CACNA1H: variants seen among roughly 807,000 people sequenced by gnomAD.
The protein encoded by CACNA1H is voltage-dependent T-type calcium channel subunit alpha-1H.
Under a neutral mutation model 192.5 loss-of-function variants are expected in CACNA1H, and 149 were observed. The observed-to-expected ratio is 0.77, with a 90% CI of 0.68 to 0.89. The LOEUF (loss-of-function observed/expected upper bound fraction) is 0.89, where lower values mean the gene tolerates loss of function less well. Ranked by LOEUF, CACNA1H falls within the 40% of genes least tolerant of loss-of-function variation. The pLI, the probability that CACNA1H is intolerant of heterozygous loss-of-function variation, is 0.00. For synonymous variants in CACNA1H, 2,202 were observed against 1,475.2 expected (o/e 1.49, Z -11.29); for missense variants, 4,257 against 3,423.5 (o/e 1.24, Z -6.08).
chr16:1,208,315 C>T, intron 16 of CACNA1H, 94 bp downstream of exon 16: 2 of 831,622 alleles, frequency 2.4e-6, no homozygotes, highest in East Asian at 2.6e-5. Context: ...GAGGGCCGCA[C>T]CCCCCACACC....
At position 1,220,009 on chromosome 16, in the gene CACNA1H, G is replaced by T; in HGVS notation, c.6077G>T (p.Gly2026Val). 1 of 1,355,178 alleles carries T rather than the reference G, an allele frequency of 7.4e-7. No individual in the cohort carries two copies. 83.9% of individuals were successfully genotyped at this position (1,355,178 alleles called of 1,614,324 possible). ...QEAVHTDSLE[G>V]KIDSPRDTLD... Reference sequence around the variant, plus strand: ...GCTGTGCACACCGATTCCTTGGAAGGGAAGATTGACAGCCCTAGGGACACC... The same window carrying T: ...GCTGTGCACACCGATTCCTTGGAAGTGAAGATTGACAGCCCTAGGGACACC... The change falls in exon 35 of 35, where the codon GGG becomes GTG. Residue 2026 changes from glycine (G) to valine (V), a missense_variant. Physicochemically the swap from Gly to Val is moderately radical, Grantham distance 109. Coordinates refer to ENST00000348261, the MANE Select transcript of CACNA1H (RefSeq NM_021098.3).
At chr16:1,210,766 A>AG in intron 20 of CACNA1H, 21 bp from the exon 21 acceptor site, 1 of 1,598,514 alleles carries the variant, frequency 6.3e-7, no homozygotes, top group Non-Finnish European at 8.5e-7. Flanking sequence ...GCCTGAGCTC[A>AG]GTGCCATTGG....
At chr16:1,186,102 C>T (rs1320924152) in intron 2 of CACNA1H, among the ~76,000 whole-genome samples, 1 of 68,812 alleles carries the variant, frequency 1.5e-5, no homozygotes, top group Non-Finnish European at 2.6e-5. Context: ...GGTGAGTAGA[C>T]GGCGTGCGTA....
intron 2 of CACNA1H, among the ~76,000 whole-genome samples, chr16:1,183,544 C>T (rs574909687): frequency 1.3e-5 from 2 of 152,352 alleles, no homozygotes; most frequent in Admixed American, 1.3e-4. Context: ...CCTTGCCCTC[C>T]CCCTTCCCAC....
chr16:1,194,779 G>A (rs999435973), intron 2 of CACNA1H, among the ~76,000 whole-genome samples, 193 bp from the exon 3 acceptor site: 7 of 152,116 alleles, frequency 4.6e-5, no homozygotes, highest in African/African-American at 7.2e-5. Flanking sequence ...CCGGCCAGGC[G>A]CAGGCCCCAG....
chr16:1,214,280 C>T (rs545204454), intron 27 of CACNA1H, among the ~76,000 whole-genome samples: 1 of 152,368 alleles, frequency 6.6e-6, no homozygotes, highest in South Asian at 2.1e-4. Flanking sequence ...TCGGGTCCCC[C>T]TGCATCCTCT....
intron 2 of CACNA1H, among the ~76,000 whole-genome samples, chr16:1,187,965 G>C (rs551598507): frequency 6.6e-6 from 1 of 152,380 alleles, no homozygotes; most frequent in South Asian, 2.1e-4. Flanking sequence ...CAGGAGCCAG[G>C]CCGAGCCGTG....
In CACNA1H at chr16:1,212,445, C is replaced by T. The variant is rs59121620; in HGVS notation, c.4760-66C>T. On this transcript the variant is annotated intron_variant, in intron 25 of 34. Transcript: ENST00000348261. ...CCGAGACACGGGGGCTGAGGGAGAG[C>T]AGGGAGGGCTCCAGGCCCGAGTGCG... 9.3e-4 allele frequency: 1,392 copies of T among 1,489,830 alleles called. 7 individuals carry two copies. In the African/African-American group the frequency reaches 0.017, roughly 19 times the overall value. 92.3% of individuals were successfully genotyped at this position (1,489,830 alleles called of 1,614,324 possible). A position where few individuals can be genotyped will look rare whatever the true frequency, so the allele number is the denominator to read the frequency against.
At chr16:1,188,047 A>G (rs1437066220) in intron 2 of CACNA1H, among the ~76,000 whole-genome samples, 1 of 152,182 alleles carries the variant, frequency 6.6e-6, no homozygotes, top group Admixed American at 6.5e-5. Context: ...CGCCAGAAAG[A>G]TGAAATAGCC....
At chr16:1,154,937 C>T (rs1009668806) in intron 2 of CACNA1H, among the ~76,000 whole-genome samples, 4 of 152,304 alleles carry the variant, frequency 2.6e-5, no homozygotes, top group Non-Finnish European at 5.9e-5. Flanking sequence ...CCCACCGGCC[C>T]TTCTGAGCCG....
intron 1 of CACNA1H, 91 bp from the exon 2 acceptor site, chr16:1,153,629 C>T (rs1596270052): frequency 2.5e-6 from 2 of 798,242 alleles, no homozygotes; most frequent in South Asian, 6.4e-5. Flanking sequence ...AAAGACATCC[C>T]GGCGGCCGCG....
intron 2 of CACNA1H, among the ~76,000 whole-genome samples, chr16:1,176,314 G>A (rs897481911): frequency 1.3e-5 from 2 of 152,248 alleles, no homozygotes; most frequent in African/African-American, 4.8e-5. Flanking sequence ...AGGCGCAGCA[G>A]CAATGTCTCG....
intron 9 of CACNA1H, among the ~76,000 whole-genome samples, chr16:1,202,688 C>T (rs373083702): frequency 6.6e-6 from 1 of 152,136 alleles, no homozygotes; most frequent in Non-Finnish European, 1.5e-5. Context: ...GAGTGGTAGC[C>T]GCGGAGGTGG....
In CACNA1H at chr16:1,220,328, G is replaced by A. The variant is rs759614653; in HGVS notation, c.6396G>A (p.Leu2132=). The change falls in exon 35 of 35, where the codon CTG becomes CTA. Residue 2132 remains leucine (L), a synonymous_variant. Transcript: ENST00000348261. ...ASPVAGGERD[L]RRLYSVDAQG... is the part of the protein sequence containing the mutation. ...CGGTGGCCGGCGGCGAGCGGGACCT[G>A]CGCAGGCTCTACAGCGTGGATGCTC... is the stretch of plus-strand genomic sequence containing the variant. 35 of 1,557,690 alleles carry A rather than the reference G, an allele frequency of 2.2e-5. No homozygotes were observed. Among genetic ancestry groups the A allele is most frequent in the Non-Finnish European group, 2.9e-5 (34 of 1,158,978 alleles).
chr16:1,180,116 C>T lies in CACNA1H; in HGVS notation c.300-14856C>T, dbSNP rs1268804105. 2.6e-5 allele frequency among the ~76,000 whole-genome samples: 4 copies of T among 152,196 alleles called. No homozygotes were observed. Among genetic ancestry groups the T allele is most frequent in the Admixed American group, 6.5e-5 (1 of 15,286 alleles). On this transcript the variant is annotated intron_variant, in intron 2 of 34. Coordinates refer to ENST00000348261, the MANE Select transcript of CACNA1H (RefSeq NM_021098.3). The surrounding 1 kb of genome is among the most constrained non-coding windows in gnomAD (Gnocchi z 4.4). ...CTGCAGGCACAGGGCTGAGGGGCGT[C>T]GTGTGGATGGACGGCCAGCCCGTTG...
intron 2 of CACNA1H, among the ~76,000 whole-genome samples, chr16:1,160,575 C>T (rs894899369): frequency 1.3e-5 from 2 of 152,174 alleles, no homozygotes; most frequent in African/African-American, 4.8e-5. Context: ...AGCAGCTTGC[C>T]GTGGTGCAGG....
At chr16:1,164,658 C>A (rs1445403420) in intron 2 of CACNA1H, among the ~76,000 whole-genome samples, 1 of 152,230 alleles carries the variant, frequency 6.6e-6, no homozygotes, top group African/African-American at 2.4e-5. Flanking sequence ...CAGTTAAAAC[C>A]TGGGAGTGAG....
chr16:1,188,853 A>G (rs1966322199), intron 2 of CACNA1H, among the ~76,000 whole-genome samples: 1 of 152,130 alleles, frequency 6.6e-6, no homozygotes, highest in African/African-American at 2.4e-5. Context: ...CATCCAGGAC[A>G]GGCCCAGGCG....
At chr16:1,219,677 T>C (rs1366355885) in intron 34 of CACNA1H, among the ~76,000 whole-genome samples, 1 of 152,204 alleles carries the variant, frequency 6.6e-6, no homozygotes, top group Non-Finnish European at 1.5e-5. Flanking sequence ...GGTGCCCAGC[T>C]GGGCTGCTGA....
Sources: allele counts gnomAD v4.1 joint callset (sites outside exome capture counted in the v4.1 genomes callset), GRCh38; gene constraint gnomAD v4.1.1; non-coding constraint Gnocchi (gnomAD v3.1); transcripts MANE v1.5; gene names NCBI Gene and HGNC (gene_info 2026-07-23, HGNC 2026-07-21).